KCND2: variants seen among roughly 807,000 people sequenced by gnomAD.
KCND2 encodes the protein potassium voltage-gated channel subfamily D member 2.
A neutral mutation model predicts 54.4 loss-of-function variants in KCND2; 16 were observed. The ratio of observed to expected loss-of-function variants is 0.29; its 90% CI spans 0.20 to 0.45. The LOEUF is 0.45. Among genes scored for constraint, KCND2 ranks in the 20% least tolerant of loss-of-function variants. The pLI is 1.00. For missense variants in KCND2, 486 were observed against 824.2 expected (o/e 0.59, Z 5.02); for synonymous variants, 317 against 310.7 (o/e 1.02, Z -0.21).
Position 120,747,878 on chromosome 7 carries a change from AAG to A in KCND2, c.*24_*25del, listed in dbSNP as rs560573283. 5.6e-5 allele frequency: 89 copies of A among 1,584,392 alleles called. No homozygotes were observed. In the African/African-American group the frequency reaches 1.0e-3, roughly 18 times the overall value. ...TTGTAAGACAATTGGAATAAGGTCT[AAG>A]AGAATTCGAGCCCTGGCTGTGAAAA... is the stretch of plus-strand genomic sequence containing the variant. On this transcript the variant is annotated 3_prime_UTR_variant, in exon 6 of 6. Transcript: ENST00000331113.
chr7:120,281,741 A>G (rs1799266938), intron 1 of KCND2, among the ~76,000 whole-genome samples: 1 of 152,130 alleles, frequency 6.6e-6, no homozygotes, highest in South Asian at 2.1e-4. Flanking sequence ...ATGTAGGAAA[A>G]TATCTATGTT....
Position 120,745,717 on chromosome 7 carries a change from T to C in KCND2, c.1468-63T>C, listed in dbSNP as rs1382018408. 4 of 1,547,400 alleles carry C rather than the reference T, an allele frequency of 2.6e-6. No individual in the cohort carries two copies. In the South Asian group the frequency reaches 4.5e-5, roughly 17 times the overall value. Reference sequence around the variant, plus strand: ...CAGATTTGAGCTTTAAAAATAAAGCTATGTATTTCGTTTTTAAAAATGTGC... The same window carrying C: ...CAGATTTGAGCTTTAAAAATAAAGCCATGTATTTCGTTTTTAAAAATGTGC... On this transcript the variant is annotated intron_variant, in intron 4 of 5. Coordinates refer to ENST00000331113, the MANE Select transcript of KCND2 (RefSeq NM_012281.3).
intron 2 of KCND2, among the ~76,000 whole-genome samples, chr7:120,735,708 A>T (rs1238740531): frequency 6.6e-6 from 1 of 152,120 alleles, no homozygotes; most frequent in Non-Finnish European, 1.5e-5. Context: ...TGGTATCTTT[A>T]AATATTTGCT....
At chr7:120,476,509 G>A (rs1802535374) in intron 1 of KCND2, among the ~76,000 whole-genome samples, 1 of 152,148 alleles carries the variant, frequency 6.6e-6, no homozygotes, top group Non-Finnish European at 1.5e-5. Context: ...TAAACATTGT[G>A]GCGCTAACTA....
chr7:120,462,259 A>G (rs2116241552), intron 1 of KCND2, among the ~76,000 whole-genome samples: 1 of 151,724 alleles, frequency 6.6e-6, no homozygotes, highest in East Asian at 1.9e-4. Flanking sequence ...GGCCTTCAAC[A>G]TTTATTTAAA....
intron 1 of KCND2, among the ~76,000 whole-genome samples, chr7:120,440,480 C>A (rs536156670): frequency 2.0e-5 from 3 of 152,082 alleles, no homozygotes; most frequent in Non-Finnish European, 2.9e-5. Context: ...TGTGCAGAAT[C>A]TTTTTAGTTT....
intron 1 of KCND2, among the ~76,000 whole-genome samples, chr7:120,374,509 T>C (rs1368277123): frequency 2.0e-5 from 3 of 151,944 alleles, no homozygotes; most frequent in East Asian, 3.9e-4. Flanking sequence ...TACCTCCATA[T>C]AGGTATCTCT....
chr7:120,444,629 T>G (rs1801993001), intron 1 of KCND2, among the ~76,000 whole-genome samples: 1 of 152,030 alleles, frequency 6.6e-6, no homozygotes, highest in Non-Finnish European at 1.5e-5. Context: ...TTTTAAAGAG[T>G]AAAGATGTGG....
At chr7:120,351,753 T>C (rs1340752156) in intron 1 of KCND2, among the ~76,000 whole-genome samples, 4 of 152,104 alleles carry the variant, frequency 2.6e-5, no homozygotes, top group East Asian at 1.9e-4. Context: ...CCTGGCACTA[T>C]ATACTATATT....
intron 1 of KCND2, among the ~76,000 whole-genome samples, chr7:120,296,589 A>G (rs1340444179): frequency 1.3e-5 from 2 of 152,110 alleles, no homozygotes; most frequent in Non-Finnish European, 2.9e-5. Context: ...TCATAGTAAA[A>G]TGGTCTAATA....
chr7:120,511,582 A>T (rs185191906), intron 1 of KCND2, among the ~76,000 whole-genome samples: 1 of 152,272 alleles, frequency 6.6e-6, no homozygotes, highest in East Asian at 1.9e-4. Context: ...AATGATTTTT[A>T]CATAATTTGA....
intron 2 of KCND2, among the ~76,000 whole-genome samples, chr7:120,737,165 A>G (rs1363011092): frequency 6.6e-6 from 1 of 151,674 alleles, no homozygotes; most frequent in Non-Finnish European, 1.5e-5. Context: ...TAGAACCTGA[A>G]ATTTTGCTAA....
At chr7:120,427,706 TA>T (rs535403207) in intron 1 of KCND2, among the ~76,000 whole-genome samples, 2 of 152,282 alleles carry the variant, frequency 1.3e-5, no homozygotes, top group East Asian at 1.9e-4. Flanking sequence ...TTAATTCTAG[TA>T]AAAAAATGTC....
intron 1 of KCND2, among the ~76,000 whole-genome samples, chr7:120,589,750 T>C (rs1792646815): frequency 6.6e-6 from 1 of 152,238 alleles, no homozygotes; most frequent in Non-Finnish European, 1.5e-5. Flanking sequence ...TATGAATGAA[T>C]TTATCATATC....
At chr7:120,595,055 G>A (rs1792720443) in intron 1 of KCND2, among the ~76,000 whole-genome samples, 1 of 151,300 alleles carries the variant, frequency 6.6e-6, no homozygotes, top group Non-Finnish European at 1.5e-5. Context: ...AGAGAGAATG[G>A]AAATCGATGT....
intron 1 of KCND2, among the ~76,000 whole-genome samples, chr7:120,589,823 T>C (rs904356023): frequency 6.6e-6 from 1 of 152,044 alleles, no homozygotes; most frequent in African/African-American, 2.4e-5. Context: ...CTATGGAAAA[T>C]GGGGTTAATG....
intron 1 of KCND2, among the ~76,000 whole-genome samples, chr7:120,369,729 A>G (rs1334593606): frequency 1.3e-5 from 2 of 152,018 alleles, no homozygotes; most frequent in Non-Finnish European, 2.9e-5. Context: ...TTGTTTATTA[A>G]AAAGAAGCTT....
At chr7:120,489,062 T>C (rs959661330) in intron 1 of KCND2, among the ~76,000 whole-genome samples, 6 of 152,100 alleles carry the variant, frequency 3.9e-5, no homozygotes, top group Non-Finnish European at 7.4e-5. Flanking sequence ...TTTAGTTTTT[T>C]TGTGTATGTG....
chr7:120,627,826 CAT>C (rs1346973348), intron 1 of KCND2, among the ~76,000 whole-genome samples: 6 of 151,412 alleles, frequency 4.0e-5, no homozygotes, highest in African/African-American at 1.2e-4. Context: ...ACATAGAACA[CAT>C]ATATGGATTA....
Sources: gnomAD v4.1 joint callset for allele counts (sites outside exome capture counted in the v4.1 genomes callset) on GRCh38, gnomAD v4.1.1 for gene constraint, MANE v1.5 for transcripts, NCBI Gene and HGNC (gene_info 2026-07-23, HGNC 2026-07-21) for gene names.